The following CTNNA3 variants were observed in gnomAD, a reference collection of about 807,000 sequenced individuals.
CTNNA3 encodes the protein catenin alpha-3.
Under a neutral mutation model 95.7 loss-of-function variants are expected in CTNNA3, and 76 were observed. The observed-to-expected ratio is 0.79, with a 90% CI of 0.66 to 0.96. The LOEUF is 0.96. CTNNA3 is among the 40% of genes least tolerant of loss of function. The pLI, the probability that CTNNA3 is intolerant of heterozygous loss-of-function variation, is 0.00. For missense variants in CTNNA3, 1,191 were observed against 1,089.8 expected, an observed-to-expected ratio of 1.09 and a Z score of -1.31; for synonymous variants, 431 against 374.4, an observed-to-expected ratio of 1.15 and a Z score of -1.74.
intron 5 of CTNNA3, among the ~76,000 whole-genome samples, chr10:67,349,708 T>C (rs1454813909): frequency 6.6e-6 from 1 of 152,114 alleles, no homozygotes; most frequent in Non-Finnish European, 1.5e-5. Flanking sequence ...TATTAAATGT[T>C]TTACAACAAT....
chr10:66,218,758 G>A (rs1018304385), intron 13 of CTNNA3, among the ~76,000 whole-genome samples: 2 of 152,182 alleles, frequency 1.3e-5, no homozygotes, highest in Non-Finnish European at 1.5e-5. Context: ...GAGTGGCTTT[G>A]GAACCACCTA....
At chr10:66,280,652 T>A (rs1360392598) in intron 12 of CTNNA3, 31 bp from the exon 13 acceptor site, 1 of 1,556,332 alleles carries the variant, frequency 6.4e-7, no homozygotes, top group Non-Finnish European at 8.7e-7. Context: ...GAGAAGATTG[T>A]CCTCTTTGTA....
chr10:66,579,408 T>A (rs1843112794), intron 10 of CTNNA3, among the ~76,000 whole-genome samples: 1 of 151,840 alleles, frequency 6.6e-6, no homozygotes, highest in Non-Finnish European at 1.5e-5. Context: ...AACTGACGTG[T>A]GACTTTTAAA....
At chr10:66,054,829 A>G (rs2080043633) in intron 15 of CTNNA3, among the ~76,000 whole-genome samples, 2 of 152,046 alleles carry the variant, frequency 1.3e-5, no homozygotes, top group Admixed American at 6.6e-5. Context: ...TTTTTCCCCA[A>G]TGTTTTCTTC....
intron 7 of CTNNA3, chr10:66,926,440 G>T: frequency 1.3e-6 from 1 of 796,800 alleles, no homozygotes; most frequent in Non-Finnish European, 2.1e-6. Flanking sequence ...TTCCAAAATC[G>T]GTCCATCTCC....
intron 7 of CTNNA3, among the ~76,000 whole-genome samples, chr10:66,845,513 G>T (rs1387794467): frequency 6.6e-6 from 1 of 151,522 alleles, no homozygotes; most frequent in Admixed American, 6.6e-5. Context: ...AGACCAGCCT[G>T]ACCAACATGG....
chr10:66,256,896 G>A (rs2090807748), intron 13 of CTNNA3, among the ~76,000 whole-genome samples: 1 of 152,134 alleles, frequency 6.6e-6, no homozygotes, highest in Admixed American at 6.5e-5. Flanking sequence ...AGTAGAAAAG[G>A]TTCCTAACCT....
At chr10:67,564,072 G>A (rs868500679) in intron 3 of CTNNA3, among the ~76,000 whole-genome samples, 10 of 149,782 alleles carry the variant, frequency 6.7e-5, no homozygotes, top group South Asian at 2.2e-4. Context: ...AACCATTGTC[G>A]AAGACAGTGT....
chr10:66,474,550 G>C (rs1321079814), intron 11 of CTNNA3, among the ~76,000 whole-genome samples: 4 of 151,858 alleles, frequency 2.6e-5, no homozygotes, highest in Non-Finnish European at 5.9e-5. Flanking sequence ...CTTTTCCTTT[G>C]GATGTATACC....
At chr10:66,821,534 A>G (rs1842304069) in intron 7 of CTNNA3, among the ~76,000 whole-genome samples, 1 of 152,184 alleles carries the variant, frequency 6.6e-6, no homozygotes, top group South Asian at 2.1e-4. Flanking sequence ...TCAATTTGCA[A>G]TAATAGAAAA....
intron 5 of CTNNA3, among the ~76,000 whole-genome samples, chr10:67,492,772 C>T (rs1838893805): frequency 6.6e-6 from 1 of 152,164 alleles, no homozygotes; most frequent in East Asian, 1.9e-4. Flanking sequence ...GATTAGCAAG[C>T]ACATAATTAA....
chr10:66,529,450 GTTTTT>G (rs58249940), intron 10 of CTNNA3, among the ~76,000 whole-genome samples: 3 of 141,558 alleles, frequency 2.1e-5, no homozygotes, highest in African/African-American at 7.8e-5. Flanking sequence ...TTTTTTTTTT[GTTTTT>G]TTTTTTTAAT....
chr10:66,233,624 G>T (rs1365509918), intron 13 of CTNNA3, among the ~76,000 whole-genome samples: 1 of 152,122 alleles, frequency 6.6e-6, no homozygotes, highest in Non-Finnish European at 1.5e-5. Flanking sequence ...ACTGCATATA[G>T]ACTAGAATAG....
intron 3 of CTNNA3, among the ~76,000 whole-genome samples, chr10:67,602,503 A>G (rs1050237813): frequency 6.6e-6 from 1 of 152,206 alleles, no homozygotes; most frequent in Non-Finnish European, 1.5e-5. Context: ...GTGATCTTTA[A>G]CCAAATGAAT....
chr10:66,968,819 C>T (rs554038228), intron 7 of CTNNA3, among the ~76,000 whole-genome samples: 5 of 152,100 alleles, frequency 3.3e-5, no homozygotes, highest in Admixed American at 2.6e-4. Flanking sequence ...GAGTTTAAGA[C>T]GAGCCTGGCC....
chr10:67,561,946 T>C (rs968469121), intron 3 of CTNNA3, among the ~76,000 whole-genome samples: 2 of 152,108 alleles, frequency 1.3e-5, no homozygotes, highest in African/African-American at 4.8e-5. Context: ...CACGAAGAAG[T>C]TGAATCTCTG....
At chr10:67,692,226 C>G (rs528560086) in intron 1 of CTNNA3, among the ~76,000 whole-genome samples, 1 of 150,188 alleles carries the variant, frequency 6.7e-6, no homozygotes, top group Non-Finnish European at 1.5e-5. Context: ...GCCACCACCC[C>G]GTCTGGGAGG....
At chr10:67,411,708 A>G (rs1473664831) in intron 5 of CTNNA3, among the ~76,000 whole-genome samples, 3 of 152,152 alleles carry the variant, frequency 2.0e-5, no homozygotes, top group Non-Finnish European at 4.4e-5. Context: ...CAAATATAAC[A>G]GAGTTTTCCT....
chr10:67,743,113 A>G (rs1038772844), intron 1 of CTNNA3, among the ~76,000 whole-genome samples: 9 of 151,444 alleles, frequency 5.9e-5, no homozygotes, highest in Admixed American at 4.6e-4. Context: ...AACTATTCCA[A>G]TCAATAGAAA....
Sources: gnomAD v4.1 joint callset for allele counts (sites outside exome capture counted in the v4.1 genomes callset) on GRCh38, gnomAD v4.1.1 for gene constraint, MANE v1.5 for transcripts, NCBI Gene and HGNC (gene_info 2026-07-23, HGNC 2026-07-21) for gene names.